The following CASP6 variants were observed in gnomAD, a reference collection of about 807,000 sequenced individuals.
CASP6 encodes the protein caspase-6.
A neutral mutation model predicts 31.8 loss-of-function variants in CASP6; 20 were observed. The observed-to-expected ratio is 0.63, with a 90% CI of 0.44 to 0.91. The LOEUF (loss-of-function observed/expected upper bound fraction) is 0.91, where lower values mean the gene tolerates loss of function less well. Ranked by LOEUF, CASP6 falls within the 40% of genes least tolerant of loss-of-function variation. The pLI is 0.00. For missense variants in CASP6, 328 were observed against 361.1 expected (o/e 0.91, Z 0.74); for synonymous variants, 130 against 127.8 (o/e 1.02, Z -0.12).
chr4:109,666,199 T>C, the CASP6 span, among the ~76,000 whole-genome samples: 1 of 152,220 alleles, frequency 6.6e-6, no homozygotes, highest in African/African-American at 2.4e-5. Flanking sequence ...TTTATTCACC[T>C]ACTGAAGGAC....
intron 5 of CASP6, 70 bp downstream of exon 5, chr4:109,694,455 C>T: frequency 7.3e-7 from 1 of 1,364,890 alleles, no homozygotes; most frequent in African/African-American, 1.5e-5. Flanking sequence ...TCAAAACTGG[C>T]TTTTAGACCT....
downstream of CASP6, among the ~76,000 whole-genome samples, chr4:109,687,241 C>T (rs535837068): frequency 3.2e-4 from 48 of 152,082 alleles, no homozygotes; most frequent in South Asian, 9.4e-3. Flanking sequence ...CACCTGTGGT[C>T]CTAGCTACTT....
upstream of CASP6, among the ~76,000 whole-genome samples, chr4:109,703,945 AT>A (rs1554022761): frequency 6.6e-6 from 1 of 151,944 alleles, no homozygotes; most frequent in Non-Finnish European, 1.5e-5. Flanking sequence ...AAAATTTTTC[AT>A]TGTTATTATG....
At chr4:109,691,845 T>C (rs1466772342) in intron 5 of CASP6, among the ~76,000 whole-genome samples, 1 of 152,052 alleles carries the variant, frequency 6.6e-6, no homozygotes, top group Admixed American at 6.6e-5. Context: ...AGAAAGACCA[T>C]ATGAAGGCAC....
chr4:109,700,923 G>A (rs1036110223), intron 1 of CASP6, among the ~76,000 whole-genome samples: 16 of 152,152 alleles, frequency 1.1e-4, no homozygotes, highest in African/African-American at 4.8e-5. Flanking sequence ...CCAGAAGGGG[G>A]CACTTAAGTA....
chr4:109,666,176 G>GT, the CASP6 span, among the ~76,000 whole-genome samples: 1 of 152,144 alleles, frequency 6.6e-6, no homozygotes, highest in Non-Finnish European at 1.5e-5. Flanking sequence ...TTCATTATCT[G>GT]TATGTACCAC....
intron 1 of CASP6, among the ~76,000 whole-genome samples, chr4:109,701,412 A>G (rs1009530030): frequency 2.0e-5 from 3 of 151,404 alleles, no homozygotes; most frequent in Non-Finnish European, 2.9e-5. Flanking sequence ...CCTTCTTTAA[A>G]CCTGATTCTT....
chr4:109,703,100 C>A (rs3181339), intron 1 of CASP6, among the ~76,000 whole-genome samples: 81 of 152,180 alleles, frequency 5.3e-4, no homozygotes, highest in Non-Finnish European at 1.0e-3. Context: ...CACGCCCCGG[C>A]GCCGGCGTCG....
chr4:109,698,197 G>A, intron 2 of CASP6, 103 bp downstream of exon 2: 1 of 1,298,996 alleles, frequency 7.7e-7, no homozygotes, highest in Non-Finnish European at 1.1e-6. Context: ...GGCCTACTCA[G>A]TTTTACTTCC....
downstream of CASP6, chr4:109,684,388 T>G (rs2084954813): frequency 1.6e-5 from 22 of 1,404,190 alleles, no homozygotes; most frequent in Non-Finnish European, 2.1e-5. Context: ...TTGCTTTTTG[T>G]CCCTTTAGTT....
chr4:109,666,694 C>T, the CASP6 span, among the ~76,000 whole-genome samples: 5 of 152,092 alleles, frequency 3.3e-5, no homozygotes, highest in African/African-American at 9.7e-5. Flanking sequence ...GTATCAGATA[C>T]GTCTTTTGCA....
chr4:109,705,556 A>T (rs1730574867), upstream of CASP6, among the ~76,000 whole-genome samples: 1 of 152,228 alleles, frequency 6.6e-6, no homozygotes, highest in Non-Finnish European at 1.5e-5. Flanking sequence ...AAGTAAATTG[A>T]AAATCTTCTG....
chr4:109,686,651 G>C (rs1163929032), downstream of CASP6, among the ~76,000 whole-genome samples: 1 of 152,172 alleles, frequency 6.6e-6, no homozygotes, highest in Non-Finnish European at 1.5e-5. Flanking sequence ...TGAGGTGGGA[G>C]GATCTCGAGT....
chr4:109,694,555 C>T lies in CASP6; in HGVS notation c.453G>A (p.Leu151=). The change falls in exon 5 of 7, where the codon CTG becomes CTA. Residue 151 remains leucine, a synonymous_variant. Coordinates refer to ENST00000265164, the MANE Select transcript of CASP6 (RefSeq NM_001226.4). ...TGATAAATATCTTGGGTTTTCCAACCAGGCTGTGACACTTGTCTCCTTTGA... is the reference window on the plus strand; with the variant it reads ...TGATAAATATCTTGGGTTTTCCAACTAGGCTGTGACACTTGTCTCCTTTGA... ...GLFKGDKCHS[L]VGKPKIFIIQ... is the part of the protein sequence containing the mutation. The T allele has an allele frequency of 6.2e-7, 1 of 1,604,408 alleles. No individual in the cohort carries two copies. Among genetic ancestry groups the T allele is most frequent in the South Asian group, 1.1e-5 (1 of 88,560 alleles).
chr4:109,686,182 C>G (rs7672819), downstream of CASP6, among the ~76,000 whole-genome samples: 108,267 of 152,090 alleles, frequency 0.71, 39,340 homozygotes, highest in African/African-American at 0.86. Context: ...CTGTTGCCCA[C>G]ACTAGAGTGT....
the CASP6 span, among the ~76,000 whole-genome samples, chr4:109,665,317 A>G: frequency 6.6e-6 from 1 of 152,180 alleles, no homozygotes; most frequent in Non-Finnish European, 1.5e-5. Flanking sequence ...CTTTATTTAG[A>G]TGTTTAATGA....
At chr4:109,674,935 C>T in the CASP6 span, among the ~76,000 whole-genome samples, 2 of 152,198 alleles carry the variant, frequency 1.3e-5, no homozygotes, top group South Asian at 4.1e-4. Context: ...TGATTAATGA[C>T]TTACGAGCAA....
chr4:109,703,232 T>A, intron 1 of CASP6, 124 bp downstream of exon 1: 1 of 1,158,170 alleles, frequency 8.6e-7, no homozygotes, highest in Non-Finnish European at 1.2e-6. Flanking sequence ...CAGGCCGCCC[T>A]GCAAAGCCGA....
chr4:109,694,704 T>C lies in CASP6; in HGVS notation c.308-4A>G. 2 of 1,565,026 alleles carry C rather than the reference T, an allele frequency of 1.3e-6. No homozygotes were observed. Among genetic ancestry groups the C allele is most frequent in the African/African-American group, 1.4e-5 (1 of 72,920 alleles). ...TCTGCGTGGCTAACAGTTGACACTA[T>C]AAAGGACCCAAAAGAGAATATAGAA... On this transcript the variant is annotated splice_region_variant and splice_polypyrimidine_tract_variant and intron_variant, in intron 4 of 6. Transcript: ENST00000265164.
Sources: allele counts gnomAD v4.1 joint callset (sites outside exome capture counted in the v4.1 genomes callset), GRCh38; gene constraint gnomAD v4.1.1; transcripts MANE v1.5; gene names NCBI Gene and HGNC (gene_info 2026-07-23, HGNC 2026-07-21).